The following HYAL4 variants were observed in gnomAD, a reference collection of about 807,000 sequenced individuals.
HYAL4 encodes the protein hyaluronidase 4.
Under a neutral mutation model 35.2 loss-of-function variants are expected in HYAL4, and 37 were observed. The observed-to-expected ratio is 1.05, with a 90% CI of 0.81 to 1.38. The LOEUF (loss-of-function observed/expected upper bound fraction) is 1.38. Among genes scored for constraint, HYAL4 ranks in the 40% most tolerant of loss-of-function variants. The pLI is 0.00. For missense variants in HYAL4, 572 were observed against 572.4 expected, an observed-to-expected ratio of 1.00 and a Z score of 0.01; for synonymous variants, 198 against 203.2, an observed-to-expected ratio of 0.97 and a Z score of 0.22.
intron 1 of HYAL4, among the ~76,000 whole-genome samples, chr7:123,833,620 A>G (rs551408494): frequency 6.6e-6 from 1 of 151,666 alleles, no homozygotes; most frequent in African/African-American, 2.4e-5. Context: ...TTTTTCATGC[A>G]TTTGCTTTTG....
chr7:123,807,458 A>G, the HYAL4 span, among the ~76,000 whole-genome samples: 2 of 106,684 alleles, frequency 1.9e-5, no homozygotes, highest in Non-Finnish European at 2.1e-5. Context: ...TTTTTGAGAC[A>G]GAGTCTCGCT....
chr7:123,783,464 A>G, the HYAL4 span, among the ~76,000 whole-genome samples: 9 of 152,224 alleles, frequency 5.9e-5, no homozygotes, highest in African/African-American at 2.2e-4. Flanking sequence ...GACATAAATG[A>G]AGTGATATTA....
At chr7:123,854,124 T>TTTA (rs1249991964) in intron 2 of HYAL4, among the ~76,000 whole-genome samples, 9 of 152,336 alleles carry the variant, frequency 5.9e-5, no homozygotes, top group African/African-American at 1.9e-4. Context: ...TCTTTTCTTC[T>TTTA]TTATTAGTCT....
the HYAL4 span, among the ~76,000 whole-genome samples, chr7:123,771,649 A>C: frequency 6.6e-6 from 1 of 152,312 alleles, no homozygotes. Flanking sequence ...TAGTTTGTAC[A>C]TAATACCAAT....
intron 2 of HYAL4, among the ~76,000 whole-genome samples, chr7:123,850,074 C>T (rs1322155648): frequency 2.0e-5 from 3 of 151,010 alleles, no homozygotes; most frequent in Admixed American, 6.6e-5. Flanking sequence ...AAGTGTGACA[C>T]ATGTTAGAAT....
At chr7:123,844,077 A>G (rs1447177925), upstream of HYAL4, among the ~76,000 whole-genome samples, 3 of 152,090 alleles carry the variant, frequency 2.0e-5, no homozygotes, top group East Asian at 3.9e-4. Flanking sequence ...GAGAAAAGGC[A>G]TTCTGATTTT....
upstream of HYAL4, among the ~76,000 whole-genome samples, chr7:123,843,701 A>G (rs1053911814): frequency 3.3e-5 from 5 of 151,672 alleles, no homozygotes; most frequent in Admixed American, 2.0e-4. Flanking sequence ...ATTTCTTTTT[A>G]TTCTTTTTCT....
the HYAL4 span, among the ~76,000 whole-genome samples, chr7:123,793,507 G>A: frequency 1.3e-5 from 2 of 152,094 alleles, no homozygotes; most frequent in Non-Finnish European, 2.9e-5. Context: ...TATCATGGGA[G>A]GGACCTGGTG....
At position 123,831,952 on chromosome 7, in the gene HYAL4, C is replaced by CT. The variant is rs566939727; in HGVS notation, c.-257+2837dup. On this transcript the variant is annotated intron_variant, in intron 1 of 4. Transcript: ENST00000489978. ...TCTTTCCTGGGATGAGCAGCCTTTC[C>CT]TTTTTTTTTCCCTTCCATGCCCACT... is the stretch of plus-strand genomic sequence containing the variant. Among the ~76,000 whole-genome samples, 7 of 151,066 alleles carry CT rather than the reference C, an allele frequency of 4.6e-5. No homozygotes were observed. In the East Asian group the frequency reaches 5.8e-4, roughly 13 times the overall value.
At chr7:123,838,511 A>T (rs997605619) in intron 1 of HYAL4, among the ~76,000 whole-genome samples, 35 of 152,116 alleles carry the variant, frequency 2.3e-4, no homozygotes, top group African/African-American at 7.5e-4. Context: ...TAGTTTTTGT[A>T]TGGCTTTTGC....
chr7:123,777,641 G>C, the HYAL4 span, among the ~76,000 whole-genome samples: 2 of 152,010 alleles, frequency 1.3e-5, no homozygotes, highest in East Asian at 3.8e-4. Context: ...AGCACTGTTA[G>C]CACCTGATTT....
chr7:123,869,324 A>C (rs1374591023), intron 3 of HYAL4, 97 bp downstream of exon 3: 2 of 866,406 alleles, frequency 2.3e-6, no homozygotes, highest in Non-Finnish European at 3.4e-6. Context: ...GATTTCAATT[A>C]ATGGTTTGTT....
At chr7:123,845,876 G>A (rs755679605) in intron 1 of HYAL4, among the ~76,000 whole-genome samples, 191 bp downstream of exon 1, 7 of 152,110 alleles carry the variant, frequency 4.6e-5, no homozygotes, top group Non-Finnish European at 1.0e-4. Context: ...CTTTTCCTAT[G>A]GATGTGGTTT....
chr7:123,829,216 G>A (rs910100170), intron 1 of HYAL4: 2 of 152,456 alleles, frequency 1.3e-5, no homozygotes, highest in Non-Finnish European at 2.9e-5. Context: ...ATGGATTTGT[G>A]TGTCACTGCT....
chr7:123,784,215 G>A, the HYAL4 span, among the ~76,000 whole-genome samples: 1 of 152,194 alleles, frequency 6.6e-6, no homozygotes, highest in East Asian at 1.9e-4. Context: ...AAAATAAGGT[G>A]TTAGATAAGT....
chr7:123,807,619 T>G, the HYAL4 span, among the ~76,000 whole-genome samples: 2 of 151,800 alleles, frequency 1.3e-5, no homozygotes, highest in African/African-American at 4.8e-5. Context: ...TTTTGTATTT[T>G]TAGTAGAGAT....
the HYAL4 span, among the ~76,000 whole-genome samples, chr7:123,763,838 A>G: frequency 6.6e-6 from 1 of 151,462 alleles, no homozygotes; most frequent in Admixed American, 6.6e-5. Flanking sequence ...CCCACCTCCA[A>G]CCCCTCACTC....
chr7:123,848,952 G>T (rs1806235472), intron 2 of HYAL4, among the ~76,000 whole-genome samples: 1 of 152,000 alleles, frequency 6.6e-6, no homozygotes, highest in Non-Finnish European at 1.5e-5. Context: ...TTTCAAAAAA[G>T]AAAAATCTTA....
chr7:123,798,722 G>T, the HYAL4 span, among the ~76,000 whole-genome samples: 6 of 152,282 alleles, frequency 3.9e-5, no homozygotes, highest in African/African-American at 1.4e-4. Context: ...ATATAAGTGT[G>T]TCCTTTCCAG....
Sources: allele counts gnomAD v4.1 joint callset (sites outside exome capture counted in the v4.1 genomes callset), GRCh38; gene constraint gnomAD v4.1.1; transcripts MANE v1.5; gene names NCBI Gene and HGNC (gene_info 2026-07-23, HGNC 2026-07-21).